TIAM1: variants seen among roughly 807,000 people sequenced by gnomAD.
TIAM1 encodes the protein TIAM Rac1 associated GEF 1, also known as rho guanine nucleotide exchange factor TIAM1.
TIAM1 carries 65 observed loss-of-function variants against 163.5 expected under a neutral mutation model. The observed-to-expected ratio is 0.40, with a 90% confidence interval of 0.33 to 0.49. The LOEUF (loss-of-function observed/expected upper bound fraction) is 0.49. TIAM1 is among the 20% of genes least tolerant of loss of function. The pLI, the probability that TIAM1 is intolerant of heterozygous loss-of-function variation, is 0.77. For missense variants in TIAM1, 1,789 were observed against 2,044.7 expected, an observed-to-expected ratio of 0.87 and a Z score of 2.41; for synonymous variants, 833 against 810.1, an observed-to-expected ratio of 1.03 and a Z score of -0.48.
chr21:31,180,864 T>A (rs1004341848), intron 15 of TIAM1, among the ~76,000 whole-genome samples: 3 of 152,224 alleles, frequency 2.0e-5, no homozygotes, highest in African/African-American at 7.2e-5. Flanking sequence ...GTCAAGGAAG[T>A]CAACTGTAAC....
intron 2 of TIAM1, among the ~76,000 whole-genome samples, chr21:31,358,693 T>C (rs140099555): frequency 0.017 from 2,657 of 152,250 alleles, 24 homozygotes; most frequent in African/African-American, 0.026. Context: ...TTCTCACCCC[T>C]TCCTGCTGCT....
At chr21:31,209,828 C>T (rs2086635598) in intron 11 of TIAM1, among the ~76,000 whole-genome samples, 1 of 152,192 alleles carries the variant, frequency 6.6e-6, no homozygotes, top group South Asian at 2.1e-4. Context: ...TTGAAAGATG[C>T]TACTTAGAAG....
rs186489753 is a variant in TIAM1 at position 31,512,833 on chromosome 21, G to A, written c.-422+46094C>T. On this transcript the variant is annotated intron_variant, in intron 1 of 28. Coordinates refer to the TIAM1 transcript ENST00000286827. ...TTTGTTTTGTATTTTTGGTAGAGAC[G>A]GGATTTCACCATGTTGCCCAGACTG... Among the ~76,000 whole-genome samples, 72 of 151,678 alleles carry A rather than the reference G, an allele frequency of 4.7e-4. 1 individual carries two copies. Among genetic ancestry groups the A allele is most frequent in the Admixed American group, 3.8e-3 (57 of 15,182 alleles).
intron 1 of TIAM1, among the ~76,000 whole-genome samples, chr21:31,541,607 T>A (rs1198010528): frequency 6.6e-6 from 1 of 152,162 alleles, no homozygotes; most frequent in Non-Finnish European, 1.5e-5. Context: ...ATGAGAAATA[T>A]GAGGATAAAG....
At chr21:31,387,950 A>G (rs1056440188) in intron 2 of TIAM1, among the ~76,000 whole-genome samples, 6 of 152,002 alleles carry the variant, frequency 3.9e-5, no homozygotes, top group African/African-American at 9.7e-5. Flanking sequence ...CTGTGACACA[A>G]TGGTGAGTTC....
At chr21:31,174,640 AC>A (rs1300978152) in intron 15 of TIAM1, among the ~76,000 whole-genome samples, 2 of 152,138 alleles carry the variant, frequency 1.3e-5, no homozygotes, top group African/African-American at 4.8e-5. Flanking sequence ...TAAAATTGTT[AC>A]CTTTTTTCTC....
intron 6 of TIAM1, among the ~76,000 whole-genome samples, chr21:31,233,227 A>T: frequency 6.6e-6 from 1 of 152,240 alleles, no homozygotes; most frequent in East Asian, 1.9e-4. Flanking sequence ...AAGCACAAGA[A>T]TAATTGTAAA....
intron 22 of TIAM1, 25 bp from the exon 23 acceptor site, chr21:31,136,066 C>T (rs770731092): frequency 2.5e-6 from 4 of 1,591,480 alleles, no homozygotes; most frequent in Non-Finnish European, 2.6e-6. Flanking sequence ...CGTGACAAAG[C>T]TTACTGGGTG....
At chr21:31,348,158 T>C (rs2147111833), upstream of TIAM1, among the ~76,000 whole-genome samples, 1 of 152,276 alleles carries the variant, frequency 6.6e-6, no homozygotes, top group East Asian at 1.9e-4. Context: ...TCAAATTGCA[T>C]TCTCAGTGAC....
intron 15 of TIAM1, among the ~76,000 whole-genome samples, chr21:31,177,948 TTAC>T (rs1193183725): frequency 6.6e-6 from 1 of 152,122 alleles, no homozygotes; most frequent in Non-Finnish European, 1.5e-5. Flanking sequence ...CCACCTTAAC[TTAC>T]TCCCATCAAA....
rs58563114 is a variant in TIAM1, at chr21:31,234,097, T to C, written c.1585-8147A>G. Among the ~76,000 whole-genome samples, 117 of 152,068 alleles carry C rather than the reference T, an allele frequency of 7.7e-4. No homozygotes were observed. The East Asian group carries it at 0.02, about 26-fold the overall frequency. On this transcript the variant is annotated intron_variant, in intron 6 of 27. Transcript: ENST00000541036. ...ACATGTAAATATGACCAGTCAAGGA[T>C]CACCAGACATTTGCTGAAAGCCCCC...
At chr21:31,512,791 T>TTTG (rs2047256516) in intron 1 of TIAM1, among the ~76,000 whole-genome samples, 5 of 150,878 alleles carry the variant, frequency 3.3e-5, no homozygotes, top group African/African-American at 4.9e-5. Flanking sequence ...TTAGGTGTTT[T>TTTG]TTTGTTTGTT....
chr21:31,321,499 C>A (rs1464451305), intron 2 of TIAM1, among the ~76,000 whole-genome samples: 1 of 151,924 alleles, frequency 6.6e-6, no homozygotes, highest in South Asian at 2.1e-4. Flanking sequence ...ATTATAGGCA[C>A]GTGCCACCAT....
chr21:31,476,681 C>A (rs950675945), intron 1 of TIAM1, among the ~76,000 whole-genome samples: 1 of 152,130 alleles, frequency 6.6e-6, no homozygotes, highest in Non-Finnish European at 1.5e-5. Context: ...CACGGAGGGA[C>A]GCCATGAGCC....
intron 2 of TIAM1, among the ~76,000 whole-genome samples, chr21:31,304,518 A>G (rs1378335161): frequency 3.3e-5 from 5 of 152,174 alleles, no homozygotes; most frequent in Non-Finnish European, 5.9e-5. Flanking sequence ...TCAGCCAAAC[A>G]AGTACCGTAT....
chr21:31,157,082 T>C (rs1432557483), intron 16 of TIAM1, among the ~76,000 whole-genome samples: 1 of 152,240 alleles, frequency 6.6e-6, no homozygotes, highest in East Asian at 1.9e-4. Context: ...ATTTTTACTG[T>C]AGGCTAATTG....
intron 1 of TIAM1, among the ~76,000 whole-genome samples, chr21:31,553,238 T>G (rs979964366): frequency 6.6e-6 from 1 of 152,138 alleles, no homozygotes; most frequent in African/African-American, 2.4e-5. Context: ...CCACGGAGCT[T>G]GGGGCCTTAG....
chr21:31,444,495 G>T (rs554084995), intron 2 of TIAM1, among the ~76,000 whole-genome samples: 1 of 151,106 alleles, frequency 6.6e-6, no homozygotes, highest in Admixed American at 6.6e-5. Flanking sequence ...GACTTTACTA[G>T]AAAAAAATGA....
Position 31,266,189 on chromosome 21 carries a change from A to G in TIAM1, c.784T>C (p.Ser262Pro), listed in dbSNP as rs1341964472. Residue 262 changes from serine to proline, a missense_variant, in exon 4 of 28, where the codon TCT becomes CCT. Coordinates refer to ENST00000541036, the MANE Select transcript of TIAM1 (RefSeq NM_001353694.2). ...KFAGYCRNLV[S>P]DIPNLANHKM... ...TGGTTTGCAAGATTGGGAATATCAGACACCAAATTCCGACAGTAGCCTGCA... is the reference window on the plus strand; with the variant it reads ...TGGTTTGCAAGATTGGGAATATCAGGCACCAAATTCCGACAGTAGCCTGCA... 4 of 1,614,160 alleles carry G rather than the reference A, an allele frequency of 2.5e-6. No individual in the cohort carries two copies. The highest frequency in any genetic ancestry group is 4.5e-5 in the East Asian group (2 of 44,858).
Sources: allele counts gnomAD v4.1 joint callset (sites outside exome capture counted in the v4.1 genomes callset), GRCh38; gene constraint gnomAD v4.1.1; transcripts MANE v1.5; gene names NCBI Gene and HGNC (gene_info 2026-07-23, HGNC 2026-07-21).